Variants in VWF observed in about 807,000 individuals in gnomAD.
VWF encodes the protein von Willebrand factor, also known as Factor VIII related antigen.
VWF carries 176 observed loss-of-function variants against 308.6 expected under a neutral mutation model. The observed-to-expected ratio is 0.57, with a 90% CI of 0.50 to 0.65. The LOEUF is 0.65. VWF is among the 30% of genes least tolerant of loss of function. The pLI is 0.00. For missense variants in VWF, 3,146 were observed against 3,648.2 expected (o/e 0.86, Z 3.55); for synonymous variants, 1,385 against 1,443.4 (o/e 0.96, Z 0.92).
At chr12:6,083,228 G>GTTGGAAGGA (rs1944933786) in intron 6 of VWF, among the ~76,000 whole-genome samples, 1 of 152,026 alleles carries the variant, frequency 6.6e-6, no homozygotes, top group Non-Finnish European at 1.5e-5. Context: ...TGTTGGAAGG[G>GTTGGAAGGA]TAGTCTCAAA....
rs62643622 is a variant in VWF at position 6,110,409 on chromosome 12, T to A, written c.497A>T (p.Asn166Ile). 6.2e-7 allele frequency: 1 copy of A among 1,614,174 alleles called. No individual in the cohort carries two copies. Among genetic ancestry groups the A allele is most frequent in the Non-Finnish European group, 8.5e-7 (1 of 1,180,022 alleles). Residue 166 changes from asparagine (N) to isoleucine (I), a missense_variant, in exon 5 of 52, where the codon AAC becomes ATC. By Grantham distance (149) the Asn-to-Ile change is moderately radical (BLOSUM62 -3). Transcript: ENST00000261405. ...CATAAAGTCATCTTCAGCAAAGATGTTAAAGTTGCCACACAGCCCGCAGGT... is the reference window on the plus strand; with the variant it reads ...CATAAAGTCATCTTCAGCAAAGATGATAAAGTTGCCACACAGCCCGCAGGT... ...NKTCGLCGNF[N>I]IFAEDDFMTQ...
intron 5 of VWF, among the ~76,000 whole-genome samples, chr12:6,107,132 T>C (rs1481809237): frequency 6.6e-6 from 1 of 152,124 alleles, no homozygotes; most frequent in Admixed American, 6.6e-5. Flanking sequence ...TCACGGACCA[T>C]GTTAAATGAA....
intron 28 of VWF, 41 bp downstream of exon 28, chr12:6,018,324 C>T (rs769773796): frequency 1.3e-6 from 2 of 1,588,334 alleles, no homozygotes; most frequent in East Asian, 2.3e-5. Context: ...CATGCCAGCC[C>T]TCGCCCAGCC....
intron 37 of VWF, 117 bp downstream of exon 37, chr12:5,993,745 T>A (rs1307924106): frequency 8.9e-6 from 8 of 897,362 alleles, no homozygotes; most frequent in Non-Finnish European, 1.4e-5. Context: ...TCCCAGGTCA[T>A]ACGAAATACA....
intron 20 of VWF, among the ~76,000 whole-genome samples, chr12:6,032,568 G>A (rs749006928): frequency 9.5e-4 from 144 of 151,668 alleles, no homozygotes; most frequent in Non-Finnish European, 1.8e-3. Flanking sequence ...AATCGAGGAG[G>A]CGGAGCTTGC....
intron 34 of VWF, among the ~76,000 whole-genome samples, chr12:6,006,687 G>A (rs1171562395): frequency 6.6e-6 from 1 of 152,098 alleles, no homozygotes; most frequent in African/African-American, 2.4e-5. Flanking sequence ...GCTGAGGGAG[G>A]AGAATCACTT....
chr12:6,111,419 T>C (rs1247431882), intron 3 of VWF, among the ~76,000 whole-genome samples: 1 of 152,170 alleles, frequency 6.6e-6, no homozygotes, highest in African/African-American at 2.4e-5. Flanking sequence ...GTTGCCCAGG[T>C]TGGGGTGCAG....
chr12:6,086,505 A>G (rs1565384131), intron 6 of VWF, among the ~76,000 whole-genome samples: 1 of 152,136 alleles, frequency 6.6e-6, no homozygotes, highest in African/African-American at 2.4e-5. Flanking sequence ...TCCCCTGACA[A>G]CTGTACTCTA....
chr12:5,958,366 A>C (rs1275047024), intron 47 of VWF, among the ~76,000 whole-genome samples: 1 of 152,198 alleles, frequency 6.6e-6, no homozygotes, highest in East Asian at 1.9e-4. Flanking sequence ...CAAATTAGTC[A>C]AAATAAGAAA....
chr12:6,061,088 C>G (rs1362992146), intron 13 of VWF, among the ~76,000 whole-genome samples: 2 of 152,170 alleles, frequency 1.3e-5, no homozygotes, highest in African/African-American at 4.8e-5. Flanking sequence ...GTAATCTCAG[C>G]TACTCGGGAG....
At position 6,038,072 on chromosome 12, in the gene VWF, C is replaced by T. The variant is rs1233976803; in HGVS notation, c.2443-1581G>A. 1.3e-5 allele frequency among the ~76,000 whole-genome samples: 2 copies of T among 152,108 alleles called. 1 individual carries two copies. The highest frequency in any genetic ancestry group is 4.2e-4 in the South Asian group (2 of 4,818). On this transcript the variant is annotated intron_variant, in intron 18 of 51. Coordinates refer to ENST00000261405, the MANE Select transcript of VWF (RefSeq NM_000552.5). Reference sequence around the variant, plus strand: ...CCCACTCTTGGTAGCTCTTACCTCCCGGAACCACTGTTCTTGGGAGGGAAT... The same window carrying T: ...CCCACTCTTGGTAGCTCTTACCTCCTGGAACCACTGTTCTTGGGAGGGAAT...
intron 6 of VWF, among the ~76,000 whole-genome samples, chr12:6,084,017 C>G (rs2136484642): frequency 6.6e-6 from 1 of 152,186 alleles, no homozygotes; most frequent in East Asian, 1.9e-4. Context: ...ACCATGAGAT[C>G]TTGCATGGCC....
intron 43 of VWF, among the ~76,000 whole-genome samples, chr12:5,975,809 C>T (rs1943526228): frequency 6.6e-6 from 1 of 152,196 alleles, no homozygotes; most frequent in African/African-American, 2.4e-5. Flanking sequence ...GACTGAACTG[C>T]AGAAGGATGA....
chr12:6,118,790 G>A (rs1441594988), intron 3 of VWF, among the ~76,000 whole-genome samples: 1 of 152,164 alleles, frequency 6.6e-6, no homozygotes, highest in Non-Finnish European at 1.5e-5. Context: ...TATAAAATGG[G>A]AAAATCCACT....
At position 6,031,730 on chromosome 12, in the gene VWF, G is replaced by A. The variant is rs1944266041; in HGVS notation, c.2686-152C>T. 3 of 1,244,138 alleles carry A rather than the reference G, an allele frequency of 2.4e-6. No homozygotes were observed. In the Admixed American group the frequency reaches 5.9e-5, roughly 25 times the overall value. The allele number at this position is 1,244,138 out of a possible 1,614,324, so 77.1% of individuals were successfully genotyped here. A position where few individuals can be genotyped will look rare whatever the true frequency, so the allele number is the denominator to read the frequency against. ...CGCATATGTGCCTCTGTGTGTGTCT[G>A]GGGGACGGGGGATATGCCCAGGTGA... On this transcript the variant is annotated intron_variant, in intron 20 of 51. Transcript: ENST00000261405.
chr12:5,985,947 G>A (rs1943675981), intron 38 of VWF, among the ~76,000 whole-genome samples: 1 of 152,222 alleles, frequency 6.6e-6, no homozygotes, highest in Non-Finnish European at 1.5e-5. Context: ...AGAAAAATGA[G>A]AGTTCTTGGA....
Position 5,951,853 on chromosome 12 carries a change from A to G in VWF, c.8146T>C (p.Cys2716Arg), listed in dbSNP as rs763365172. The G allele has an allele frequency of 1.4e-5, 23 of 1,614,240 alleles. No individual in the cohort carries two copies. Among genetic ancestry groups the G allele is most frequent in the Non-Finnish European group, 1.9e-5 (23 of 1,180,038 alleles). The part of the protein sequence containing the change: ...GKIMKIPGTC[C>R]DTCEEPECND... ...TTAGTAACGCACTCACATGTGTCAC[A>G]GCAGGTGCCTGGAATTTTCATAATT... The change falls in exon 50 of 52, where the codon TGT (cysteine) becomes CGT (arginine). Residue 2716 changes from cysteine (C) to arginine (R), a missense_variant. Physicochemically the swap from Cys to Arg is radical, Grantham distance 180. Transcript: ENST00000261405.
chr12:6,036,360 C>T, intron 19 of VWF, 28 bp downstream of exon 19: 1 of 1,607,066 alleles, frequency 6.2e-7, no homozygotes, highest in Non-Finnish European at 8.5e-7. Context: ...GGCCTGGGTC[C>T]CCGGCGCAGC....
intron 47 of VWF, among the ~76,000 whole-genome samples, chr12:5,963,402 T>C (rs146598126): frequency 1.7e-4 from 26 of 152,230 alleles, no homozygotes; most frequent in African/African-American, 6.0e-4. Flanking sequence ...AAATTTAAAA[T>C]ACTAGAAGAT....
Sources: allele counts gnomAD v4.1 joint callset (sites outside exome capture counted in the v4.1 genomes callset), GRCh38; gene constraint gnomAD v4.1.1; transcripts MANE v1.5; gene names NCBI Gene and HGNC (gene_info 2026-07-23, HGNC 2026-07-21).